Variants in ZRANB3 observed in about 807,000 individuals in gnomAD.
The protein encoded by ZRANB3 is zinc finger RANBP2-type containing 3.
In ZRANB3, 125 loss-of-function variants were observed where a neutral mutation model predicts 133.8. The ratio of observed to expected loss-of-function variants is 0.93; its 90% CI spans 0.81 to 1.08. ZRANB3 has a LOEUF of 1.08. Ranked by LOEUF, ZRANB3 falls within the 50% of genes least tolerant of loss-of-function variation. The pLI, the probability that ZRANB3 is intolerant of heterozygous loss-of-function variation, is 0.00. For missense variants in ZRANB3, 1,229 were observed against 1,275.5 expected (o/e 0.96, Z 0.56); for synonymous variants, 387 against 432.7 (o/e 0.89, Z 1.31).
chr2:135,250,455 T>C (rs182814145), intron 12 of ZRANB3, among the ~76,000 whole-genome samples: 3 of 152,258 alleles, frequency 2.0e-5, no homozygotes, highest in Admixed American at 6.5e-5. Context: ...CCCAAGACCA[T>C]GGGGAAAATG....
At chr2:135,522,207 A>G (rs904410815) in intron 1 of ZRANB3, among the ~76,000 whole-genome samples, 2 of 152,144 alleles carry the variant, frequency 1.3e-5, no homozygotes, top group African/African-American at 4.8e-5. Flanking sequence ...CTGCTATAAC[A>G]TCTTATTGAA....
At chr2:135,265,507 A>G (rs973745835) in intron 12 of ZRANB3, 27 bp downstream of exon 12, 2 of 1,558,564 alleles carry the variant, frequency 1.3e-6, no homozygotes, top group Non-Finnish European at 1.7e-6. Flanking sequence ...TAAAAAAAAT[A>G]GAAAAGAGTA....
chr2:135,510,326 T>C (rs1423965355), intron 1 of ZRANB3, among the ~76,000 whole-genome samples: 2 of 152,052 alleles, frequency 1.3e-5, no homozygotes, highest in African/African-American at 2.4e-5. Context: ...ACTCCTAAAA[T>C]ATCATTCCAC....
chr2:135,280,068 C>T (rs966563944), intron 8 of ZRANB3, among the ~76,000 whole-genome samples: 4 of 152,154 alleles, frequency 2.6e-5, no homozygotes, highest in Non-Finnish European at 5.9e-5. Flanking sequence ...TGCTTCCAAA[C>T]GATCTTAAGT....
chr2:135,396,508 G>T (rs1028223196), intron 2 of ZRANB3, among the ~76,000 whole-genome samples: 3 of 152,182 alleles, frequency 2.0e-5, no homozygotes, highest in Non-Finnish European at 4.4e-5. Context: ...CCTGTCATTT[G>T]CAACAACATG....
chr2:135,260,985 T>C (rs1004616840), intron 12 of ZRANB3, among the ~76,000 whole-genome samples: 1 of 147,640 alleles, frequency 6.8e-6, no homozygotes, highest in African/African-American at 2.5e-5. Context: ...ATACTATATA[T>C]GTAGTATATA....
At chr2:135,430,426 A>T (rs1689268249) in intron 2 of ZRANB3, among the ~76,000 whole-genome samples, 1 of 151,952 alleles carries the variant, frequency 6.6e-6, no homozygotes, top group South Asian at 2.1e-4. Context: ...ATTATAAAGT[A>T]AGAAGATTAA....
intron 11 of ZRANB3, among the ~76,000 whole-genome samples, chr2:135,267,961 C>G (rs1680324525): frequency 6.6e-6 from 1 of 152,102 alleles, no homozygotes; most frequent in East Asian, 1.9e-4. Flanking sequence ...TTCTTGCCCT[C>G]TTTCCACAAT....
At chr2:135,240,706 G>A (rs573637381) in intron 12 of ZRANB3, among the ~76,000 whole-genome samples, 1 of 152,266 alleles carries the variant, frequency 6.6e-6, no homozygotes, top group South Asian at 2.1e-4. Context: ...AGCTTCCCAA[G>A]TAGCTGGGAC....
At chr2:135,220,099 C>A (rs1694477340) in intron 15 of ZRANB3, among the ~76,000 whole-genome samples, 1 of 151,838 alleles carries the variant, frequency 6.6e-6, no homozygotes, top group South Asian at 2.1e-4. Context: ...TCTCAAAATC[C>A]TGGGCTCAAG....
At chr2:135,205,987 C>T (rs978342194) in intron 19 of ZRANB3, among the ~76,000 whole-genome samples, 7 of 152,118 alleles carry the variant, frequency 4.6e-5, no homozygotes, top group Non-Finnish European at 1.0e-4. Flanking sequence ...GAGAATGAAA[C>T]TAAGCCTCTA....
intron 8 of ZRANB3, among the ~76,000 whole-genome samples, chr2:135,289,117 G>T (rs974119945): frequency 4.0e-5 from 6 of 151,706 alleles, no homozygotes; most frequent in Non-Finnish European, 8.8e-5. Context: ...AGGTTTTGAT[G>T]GGCTGTGTCA....
At position 135,271,795 on chromosome 2, in the gene ZRANB3, A is replaced by G; in HGVS notation, c.1179T>C (p.Ala393=). ...GGCCAGCAGCCTGAATGCTTAGGAT[A>G]GCCACGCGAGTGTCAGGATCCTTTT... The part of the protein sequence containing the change: ...QFQKDPDTRV[A]ILSIQAAGQG... Residue 393 remains alanine, a synonymous_variant, in exon 10 of 21, where the codon GCT becomes GCC. Transcript: ENST00000264159. 6.2e-7 allele frequency: 1 copy of G among 1,613,608 alleles called. No homozygotes were observed. Among genetic ancestry groups the G allele is most frequent in the South Asian group, 1.1e-5 (1 of 90,932 alleles).
intron 19 of ZRANB3, among the ~76,000 whole-genome samples, chr2:135,205,860 G>A (rs917646264): frequency 6.6e-6 from 1 of 152,068 alleles, no homozygotes; most frequent in African/African-American, 2.4e-5. Flanking sequence ...TACATTTCTG[G>A]GTTATCTGTT....
At chr2:135,257,348 ATAACTTTTTTTGGTC>A (rs1679711666) in intron 12 of ZRANB3, among the ~76,000 whole-genome samples, 1 of 152,210 alleles carries the variant, frequency 6.6e-6, no homozygotes, top group Non-Finnish European at 1.5e-5. Context: ...TCATCAATTT[ATAACTTTTTTTGGTC>A]TAACTTTTTT....
chr2:135,510,635 G>A, intron 1 of ZRANB3: 1 of 792,666 alleles, frequency 1.3e-6, no homozygotes, highest in Non-Finnish European at 2.3e-6. Flanking sequence ...CCACCACCCA[G>A]CCCACATAGA....
intron 12 of ZRANB3, among the ~76,000 whole-genome samples, chr2:135,234,935 G>C (rs1213160198): frequency 6.6e-6 from 1 of 152,096 alleles, no homozygotes; most frequent in African/African-American, 2.4e-5. Flanking sequence ...AAATAACTAA[G>C]ATCAGAGTAG....
chr2:135,255,625 G>A (rs1037671469), intron 12 of ZRANB3, among the ~76,000 whole-genome samples: 4 of 152,150 alleles, frequency 2.6e-5, no homozygotes, highest in African/African-American at 9.7e-5. Context: ...GAGGCAAGAG[G>A]ACTGCTTGAG....
chr2:135,490,781 T>C (rs1692336610), intron 2 of ZRANB3, among the ~76,000 whole-genome samples: 2 of 152,226 alleles, frequency 1.3e-5, no homozygotes, highest in African/African-American at 2.4e-5. Context: ...GTGATATATA[T>C]ATACACAATG....
Sources: allele counts gnomAD v4.1 joint callset (sites outside exome capture counted in the v4.1 genomes callset), GRCh38; gene constraint gnomAD v4.1.1; transcripts MANE v1.5; gene names NCBI Gene and HGNC (gene_info 2026-07-23, HGNC 2026-07-21).